SMG5: variants seen among roughly 807,000 people sequenced by gnomAD.
SMG5 encodes the protein nonsense-mediated mRNA decay factor SMG5.
SMG5 carries 53 observed loss-of-function variants against 122.9 expected under a neutral mutation model. That is an observed-to-expected ratio of 0.43 (90% CI 0.35 to 0.54). The LOEUF (loss-of-function observed/expected upper bound fraction) is 0.54. Ranked by LOEUF, SMG5 falls within the 20% of genes least tolerant of loss-of-function variation. The pLI is 0.01. For missense variants in SMG5, 1,153 were observed against 1,285.6 expected, an observed-to-expected ratio of 0.90 and a Z score of 1.58; for synonymous variants, 477 against 490.2, an observed-to-expected ratio of 0.97 and a Z score of 0.35.
chr1:156,251,144 G>T, intron 20 of SMG5, 148 bp from the exon 21 acceptor site: 1 of 1,121,822 alleles, frequency 8.9e-7, no homozygotes, highest in Non-Finnish European at 1.3e-6. Flanking sequence ...GAGACATATG[G>T]GGAGCAGGCA....
At chr1:156,262,868 A>G (rs1661919779) in intron 13 of SMG5, among the ~76,000 whole-genome samples, 1 of 152,330 alleles carries the variant, frequency 6.6e-6, no homozygotes, top group Admixed American at 6.5e-5. Context: ...TTAGAAGTTC[A>G]AGGCTGACAC....
At position 156,249,575 on chromosome 1, in the gene SMG5, A is replaced by G; in HGVS notation, c.*1012T>C. 2 of 376,722 alleles carry G rather than the reference A, an allele frequency of 5.3e-6. No individual in the cohort carries two copies. Among genetic ancestry groups the G allele is most frequent in the South Asian group, 4.1e-5 (2 of 48,812 alleles). The allele number at this position is 376,722 out of a possible 1,614,324, so 23.3% of individuals were successfully genotyped here. A position where few individuals can be genotyped will look rare whatever the true frequency, so the allele number is the denominator to read the frequency against. On this transcript the variant is annotated 3_prime_UTR_variant, in exon 22 of 22. Coordinates refer to ENST00000361813, the MANE Select transcript of SMG5 (RefSeq NM_015327.3). ...TCTGCTCCCAGATATTCACCTCAACACTCCAAAAGCCAGCCCCTTCAGGTC... is the reference window on the plus strand; with the variant it reads ...TCTGCTCCCAGATATTCACCTCAACGCTCCAAAAGCCAGCCCCTTCAGGTC...
upstream of SMG5, among the ~76,000 whole-genome samples, chr1:156,287,372 C>T (rs1246284869): frequency 7.2e-5 from 11 of 151,958 alleles, no homozygotes; most frequent in Admixed American, 3.3e-4. Context: ...GCCAAGATCG[C>T]GCCATTGCAC....
In SMG5 at chr1:156,277,858, G is replaced by A. The variant is rs564077378; in HGVS notation, c.297+67C>T. The A allele has an allele frequency of 1.1e-4, 183 of 1,597,902 alleles. No homozygotes were observed. The East Asian group carries it at 4.1e-3, about 36-fold the overall frequency. On this transcript the variant is annotated intron_variant, in intron 3 of 21. Coordinates refer to ENST00000361813, the MANE Select transcript of SMG5 (RefSeq NM_015327.3). The stretch of plus-strand genomic sequence containing the variant: ...GCTCCCCTACCTCCAACCATGTTCT[G>A]CGCCCACTTTCCTAGCTGTCTCTTC...
chr1:156,288,913 G>C, the SMG5 span, among the ~76,000 whole-genome samples: 3 of 152,152 alleles, frequency 2.0e-5, no homozygotes, highest in African/African-American at 7.2e-5. Context: ...AATCATCAGG[G>C]AGCTAAAGGA....
Position 156,250,939 on chromosome 1 carries a change from A to G in SMG5, c.2886T>C (p.Gly962=), listed in dbSNP as rs1395993580. The change falls in exon 21 of 22, where the codon GGT becomes GGC. Residue 962 remains glycine, a synonymous_variant. Coordinates refer to ENST00000361813, the MANE Select transcript of SMG5 (RefSeq NM_015327.3). ...TCACCATGCCACTCGGATCCTCCTC[A>G]CCTGCCCCCTGGGCCAGAGTCAGCT... ...CKQLTLAQGA[G]EEDPSGMVTI... is the part of the protein sequence containing the mutation. 6.2e-7 allele frequency: 1 copy of G among 1,613,742 alleles called. No individual in the cohort carries two copies. The highest frequency in any genetic ancestry group is 8.5e-7 in the Non-Finnish European group (1 of 1,179,906).
intron 14 of SMG5, 32 bp from the exon 15 acceptor site, chr1:156,260,658 G>C: frequency 1.4e-6 from 2 of 1,470,830 alleles, no homozygotes; most frequent in South Asian, 1.5e-5. Context: ...AAGACCATCT[G>C]TCCTGTGGGA....
chr1:156,261,215 T>C, intron 14 of SMG5, 118 bp downstream of exon 14: 1 of 923,782 alleles, frequency 1.1e-6, no homozygotes, highest in Non-Finnish European at 1.8e-6. Context: ...CTAGGGAGGC[T>C]GGCAGTGAAT....
chr1:156,272,497 C>A, intron 6 of SMG5, 99 bp from the exon 7 acceptor site: 2 of 947,798 alleles, frequency 2.1e-6, no homozygotes, highest in Non-Finnish European at 3.3e-6. Context: ...GTAGGGAGAA[C>A]AGCTGGGTCT....
At chr1:156,270,603 G>A (rs1485718618) in intron 7 of SMG5, among the ~76,000 whole-genome samples, 1 of 152,202 alleles carries the variant, frequency 6.6e-6, no homozygotes, top group Non-Finnish European at 1.5e-5. Context: ...CCCAAACTTG[G>A]ATATACCTGG....
In SMG5 at chr1:156,282,777, G is replaced by T; in HGVS notation, c.-97C>A. ...TCCGGCCGTAGCCGCAGCCGCCGCC[G>T]CCACCGGCCCTGCTCGGCCGCCATC... is the stretch of plus-strand genomic sequence containing the variant. On this transcript the variant is annotated 5_prime_UTR_variant, in exon 1 of 22. Coordinates refer to ENST00000361813, the MANE Select transcript of SMG5 (RefSeq NM_015327.3). 1.5e-6 allele frequency: 2 copies of T among 1,328,006 alleles called. No homozygotes were observed. Among genetic ancestry groups the T allele is most frequent in the Non-Finnish European group, 2.0e-6 (2 of 985,498 alleles). The allele number at this position is 1,328,006 out of a possible 1,614,324, so 82.3% of individuals were successfully genotyped here. A position where few individuals can be genotyped will look rare whatever the true frequency, so the allele number is the denominator to read the frequency against.
At chr1:156,263,959 G>C (rs1257515321) in intron 12 of SMG5, among the ~76,000 whole-genome samples, 1 of 152,144 alleles carries the variant, frequency 6.6e-6, no homozygotes, top group African/African-American at 2.4e-5. Flanking sequence ...AGAAAAGCAA[G>C]GGGTATGGTT....
At chr1:156,273,492 G>C in intron 5 of SMG5, 42 bp from the exon 6 acceptor site, 1 of 1,586,132 alleles carries the variant, frequency 6.3e-7, no homozygotes, top group Non-Finnish European at 8.6e-7. Flanking sequence ...ATGATTTTAA[G>C]TTTCAGAAAA....
At chr1:156,268,541 C>A in intron 7 of SMG5, 126 bp from the exon 8 acceptor site, 1 of 1,238,720 alleles carries the variant, frequency 8.1e-7, no homozygotes, top group Non-Finnish European at 1.1e-6. Flanking sequence ...CATGTACATA[C>A]GCAGGGTAAA....
Position 156,265,878 on chromosome 1 carries a change from G to T in SMG5, c.1758C>A (p.Thr586=), listed in dbSNP as rs199715475. 6.8e-5 allele frequency: 110 copies of T among 1,614,082 alleles called. 1 individual carries two copies. The highest frequency in any genetic ancestry group is 2.7e-5 in the African/African-American group (2 of 74,926). ...QTKRCFRLAP[T]FSNLLLQPTT... is the part of the protein sequence containing the mutation. The stretch of plus-strand genomic sequence containing the variant: ...TGGGCTGGAGGAGCAGGTTGCTAAA[G>T]GTGGGGGCCAGTCGGAAGCAGCGCT... The change falls in exon 12 of 22, where the codon ACC becomes ACA. Residue 586 remains threonine (T), a synonymous_variant. Transcript: ENST00000361813.
chr1:156,270,298 C>T (rs1456895078), intron 7 of SMG5, among the ~76,000 whole-genome samples: 1 of 152,194 alleles, frequency 6.6e-6, no homozygotes, highest in Non-Finnish European at 1.5e-5. Flanking sequence ...GTAACAGCTT[C>T]CAAGTCTCCT....
At chr1:156,253,757 C>T in intron 16 of SMG5, 2 of 538,416 alleles carry the variant, frequency 3.7e-6, no homozygotes, top group South Asian at 4.0e-5. Flanking sequence ...GGGAAGCAGA[C>T]AGCCATGTGC....
chr1:156,287,143 G>A (rs1663190983), upstream of SMG5, among the ~76,000 whole-genome samples: 1 of 152,048 alleles, frequency 6.6e-6, no homozygotes, highest in Non-Finnish European at 1.5e-5. Flanking sequence ...ATAGCCGGGT[G>A]TAGTGGCTCA....
At chr1:156,276,171 G>A (rs1017832250) in intron 4 of SMG5, among the ~76,000 whole-genome samples, 1 of 142,828 alleles carries the variant, frequency 7.0e-6, no homozygotes, top group Non-Finnish European at 1.5e-5. Context: ...CTGTTACCCA[G>A]GCTGGAGTGC....
Sources: allele counts gnomAD v4.1 joint callset (sites outside exome capture counted in the v4.1 genomes callset), GRCh38; gene constraint gnomAD v4.1.1; transcripts MANE v1.5; gene names NCBI Gene and HGNC (gene_info 2026-07-23, HGNC 2026-07-21).